TTBK2: variants seen among roughly 807,000 people sequenced by gnomAD.
TTBK2 encodes the protein tau-tubulin kinase 2.
TTBK2 carries 28 observed loss-of-function variants against 110.8 expected under a neutral mutation model. That is an observed-to-expected ratio of 0.25 (90% CI 0.19 to 0.35). The LOEUF is 0.35. Among genes scored for constraint, TTBK2 ranks in the 10% least tolerant of loss-of-function variants. The pLI is 1.00. For missense variants in TTBK2, 1,369 were observed against 1,500.3 expected (o/e 0.91, Z 1.45); for synonymous variants, 532 against 527.3 (o/e 1.01, Z -0.12).
chr15:42,843,401 T>C (rs987278124), intron 3 of TTBK2, among the ~76,000 whole-genome samples: 5 of 152,216 alleles, frequency 3.3e-5, no homozygotes, highest in African/African-American at 1.2e-4. Flanking sequence ...TAACTAGTCA[T>C]TGTTTCCTAA....
chr15:42,851,107 T>C (rs1893692118), intron 3 of TTBK2, among the ~76,000 whole-genome samples: 1 of 150,044 alleles, frequency 6.7e-6, no homozygotes, highest in South Asian at 2.1e-4. Flanking sequence ...AATTAGCCGG[T>C]CGTGGTGGTG....
At chr15:42,796,036 G>C (rs1050573725) in intron 9 of TTBK2, among the ~76,000 whole-genome samples, 2 of 152,096 alleles carry the variant, frequency 1.3e-5, no homozygotes, top group Admixed American at 6.6e-5. Flanking sequence ...TCAGTGCAGT[G>C]ACATGGAAAG....
At chr15:42,772,703 T>C (rs186342657) in intron 13 of TTBK2, among the ~76,000 whole-genome samples, 2 of 152,246 alleles carry the variant, frequency 1.3e-5, no homozygotes, top group East Asian at 3.9e-4. Flanking sequence ...CCCAAGATTA[T>C]AGACAGGCTG....
At chr15:42,773,416 AAC>A (rs1297429980) in intron 13 of TTBK2, among the ~76,000 whole-genome samples, 4 of 149,474 alleles carry the variant, frequency 2.7e-5, no homozygotes, top group Admixed American at 6.7e-5. Context: ...CAACCTGGGC[AAC>A]AGAGTGAGAC....
At chr15:42,747,429 G>C (rs1412789349) in intron 14 of TTBK2, among the ~76,000 whole-genome samples, 1 of 152,186 alleles carries the variant, frequency 6.6e-6, no homozygotes, top group East Asian at 1.9e-4. Context: ...GCACCAAGGA[G>C]CAGTTTCGTG....
chr15:42,766,910 G>A (rs1431225774), intron 13 of TTBK2, among the ~76,000 whole-genome samples: 1 of 152,144 alleles, frequency 6.6e-6, no homozygotes, highest in Non-Finnish European at 1.5e-5. Flanking sequence ...AAATGTAAAA[G>A]AACAGAAATT....
At chr15:42,899,833 C>T (rs1180349170) in intron 1 of TTBK2, among the ~76,000 whole-genome samples, 3 of 150,640 alleles carry the variant, frequency 2.0e-5, no homozygotes, top group Admixed American at 6.6e-5. Context: ...ATCCAGGAGG[C>T]GGAGGTTGCA....
chr15:42,850,536 C>T (rs9920202), intron 3 of TTBK2, among the ~76,000 whole-genome samples: 28,661 of 152,106 alleles, frequency 0.19, 2,912 homozygotes, highest in South Asian at 0.3. Context: ...GAGTGAAGTG[C>T]GCTTACTCCA....
At chr15:42,885,770 A>G (rs541086554) in intron 1 of TTBK2, among the ~76,000 whole-genome samples, 199 of 151,866 alleles carry the variant, frequency 1.3e-3, no homozygotes, top group African/African-American at 4.7e-3. Flanking sequence ...TGCCTCTTTC[A>G]CTATGGGCAA....
chr15:42,769,997 C>T (rs1889592218), intron 13 of TTBK2, among the ~76,000 whole-genome samples: 1 of 150,846 alleles, frequency 6.6e-6, no homozygotes, highest in African/African-American at 2.4e-5. Flanking sequence ...CAAACTATCA[C>T]AAGGACAGAA....
chr15:42,866,420 T>TA (rs1171624583), intron 3 of TTBK2, among the ~76,000 whole-genome samples: 1 of 151,520 alleles, frequency 6.6e-6, no homozygotes, highest in Non-Finnish European at 1.5e-5. Flanking sequence ...CTACATGAGG[T>TA]AAAAAACAAT....
intron 3 of TTBK2, among the ~76,000 whole-genome samples, chr15:42,867,981 C>A (rs1272237181): frequency 3.3e-5 from 5 of 152,056 alleles, no homozygotes; most frequent in Non-Finnish European, 7.4e-5. Context: ...ACCTATCAAG[C>A]CATGAAAAGA....
chr15:42,853,894 A>T (rs1271072757), intron 3 of TTBK2, among the ~76,000 whole-genome samples: 1 of 151,388 alleles, frequency 6.6e-6, no homozygotes, highest in African/African-American at 2.5e-5. Context: ...AAAAAATAAA[A>T]AATAAAAAAT....
intron 10 of TTBK2, among the ~76,000 whole-genome samples, chr15:42,789,162 A>C (rs144876119): frequency 1.3e-5 from 2 of 152,144 alleles, no homozygotes; most frequent in African/African-American, 4.8e-5. Flanking sequence ...TTCATCCCAC[A>C]TATCTGCTAT....
chr15:42,825,160 G>T (rs1216320732), intron 6 of TTBK2, among the ~76,000 whole-genome samples: 1 of 151,998 alleles, frequency 6.6e-6, no homozygotes, highest in East Asian at 1.9e-4. Context: ...GAATATGAGA[G>T]GGAAGAGGGA....
chr15:42,912,709 A>G (rs2030844307), intron 1 of TTBK2, among the ~76,000 whole-genome samples: 1 of 151,990 alleles, frequency 6.6e-6, no homozygotes, highest in African/African-American at 2.4e-5. Context: ...ACAAGAGCAA[A>G]ACTCCATCTC....
At chr15:42,792,848 G>A (rs1256463778) in intron 10 of TTBK2, among the ~76,000 whole-genome samples, 4 of 152,148 alleles carry the variant, frequency 2.6e-5, no homozygotes, top group African/African-American at 9.7e-5. Context: ...TGTAGCTTTA[G>A]TTTTCCTTCT....
chr15:42,754,274 G>T (rs750988634), intron 13 of TTBK2, among the ~76,000 whole-genome samples: 1 of 151,992 alleles, frequency 6.6e-6, no homozygotes, highest in Non-Finnish European at 1.5e-5. Flanking sequence ...TAGAGATGGG[G>T]TGTCACCTGT....
chr15:42,752,011 G>A lies in TTBK2; in HGVS notation c.3235C>T (p.Pro1079Ser), dbSNP rs1207319949. 6.2e-7 allele frequency: 1 copy of A among 1,614,214 alleles called. No homozygotes were observed. The highest frequency in any genetic ancestry group is 2.2e-5 in the East Asian group (1 of 44,880). Residue 1079 changes from proline (P) to serine (S), a missense_variant, in exon 14 of 15, where the codon CCA (proline) becomes TCA (serine). This residue lies in a region of TTBK2 where 1,097 missense variants were observed against 1,114.7 expected (regional missense o/e 0.98). Transcript: ENST00000267890. ...TSSQFFPRPPPGKPPTRPGVE... is the reference protein window; with the variant it reads ...TSSQFFPRPPSGKPPTRPGVE... The stretch of plus-strand genomic sequence containing the variant: ...CCAGGCCTCGTGGGTGGCTTTCCTG[G>A]TGGTGGCCGAGGAAAGAACTGAGAC...
Sources: allele counts gnomAD v4.1 joint callset (sites outside exome capture counted in the v4.1 genomes callset), GRCh38; gene constraint gnomAD v4.1.1; regional missense constraint gnomAD v4.1.1; transcripts MANE v1.5; gene names NCBI Gene and HGNC (gene_info 2026-07-23, HGNC 2026-07-21).